The following AHCYL2 variants were observed in gnomAD, a reference collection of about 807,000 sequenced individuals.
The protein encoded by AHCYL2 is adenosylhomocysteinase like 2.
A neutral mutation model predicts 81.4 loss-of-function variants in AHCYL2; 28 were observed. That is an observed-to-expected ratio of 0.34 (90% CI 0.25 to 0.47). The LOEUF is 0.47. Ranked by LOEUF, AHCYL2 falls within the 20% of genes least tolerant of loss-of-function variation. AHCYL2 has a pLI of 1.00. For synonymous variants in AHCYL2, 272 were observed against 290.2 expected, an observed-to-expected ratio of 0.94 and a Z score of 0.64; for missense variants, 551 against 785.1, an observed-to-expected ratio of 0.70 and a Z score of 3.56.
At chr7:129,254,505 A>G (rs1245605951) in intron 1 of AHCYL2, among the ~76,000 whole-genome samples, 1 of 152,214 alleles carries the variant, frequency 6.6e-6, no homozygotes, top group Non-Finnish European at 1.5e-5. Flanking sequence ...CTCTGATTAT[A>G]TTATAAAGAC....
intron 1 of AHCYL2, among the ~76,000 whole-genome samples, chr7:129,300,960 G>A (rs1275028481): frequency 6.6e-6 from 1 of 152,162 alleles, no homozygotes; most frequent in Non-Finnish European, 1.5e-5. Context: ...GGCCTGCCAA[G>A]TAGTTGGGAT....
chr7:129,389,014 G>A (rs752407857), intron 2 of AHCYL2, 42 bp from the exon 3 acceptor site: 7 of 1,578,370 alleles, frequency 4.4e-6, no homozygotes, highest in Non-Finnish European at 6.0e-6. Flanking sequence ...TTTAGAGGAA[G>A]CATTTTTTTT....
chr7:129,343,828 C>T (rs183569219), intron 1 of AHCYL2, among the ~76,000 whole-genome samples: 296 of 152,072 alleles, frequency 1.9e-3, no homozygotes, highest in Non-Finnish European at 3.3e-3. Flanking sequence ...AACTTCTATT[C>T]AAAAGACACA....
chr7:129,276,838 A>G (rs1796227572), intron 1 of AHCYL2, among the ~76,000 whole-genome samples: 1 of 152,102 alleles, frequency 6.6e-6, no homozygotes, highest in South Asian at 2.1e-4. Flanking sequence ...AAAGCCCTGC[A>G]AAGATTAATC....
chr7:129,322,878 G>A (rs1472288745), intron 1 of AHCYL2, among the ~76,000 whole-genome samples: 1 of 152,132 alleles, frequency 6.6e-6, no homozygotes, highest in Non-Finnish European at 1.5e-5. Context: ...TTACAGGTGT[G>A]AGCCACCATG....
rs79427913 is a variant in AHCYL2 at position 129,255,468 on chromosome 7, C to T, written c.363+30029C>T. ...GACTAGCCACATTTCAAGAGTTCAA[C>T]AGTCATATGTGGTTAGTAACTATCT... On this transcript the variant is annotated intron_variant, in intron 1 of 16. Coordinates refer to ENST00000325006, the MANE Select transcript of AHCYL2 (RefSeq NM_015328.4). 4.3e-3 allele frequency among the ~76,000 whole-genome samples: 659 copies of T among 152,288 alleles called. 9 individuals are homozygous for T. The East Asian group carries it at 0.055, about 13-fold the overall frequency.
At chr7:129,408,450 T>C (rs1234811762) in intron 10 of AHCYL2, among the ~76,000 whole-genome samples, 1 of 152,222 alleles carries the variant, frequency 6.6e-6, no homozygotes, top group African/African-American at 2.4e-5. Context: ...CTTGTTTATA[T>C]GGCTCATTCA....
At chr7:129,323,910 G>A (rs1203381593) in intron 1 of AHCYL2, among the ~76,000 whole-genome samples, 4 of 123,806 alleles carry the variant, frequency 3.2e-5, no homozygotes, top group Non-Finnish European at 6.4e-5. Flanking sequence ...TCACTCTTTC[G>A]CCCAGGTTGG....
intron 1 of AHCYL2, among the ~76,000 whole-genome samples, chr7:129,229,769 T>C (rs1313615788): frequency 6.6e-6 from 1 of 152,128 alleles, no homozygotes; most frequent in East Asian, 1.9e-4. Flanking sequence ...GAATTGTAAA[T>C]TTAGAAGAGG....
At chr7:129,422,808 G>A (rs1364101471) in intron 12 of AHCYL2, 32 bp from the exon 13 acceptor site, 1 of 1,599,510 alleles carries the variant, frequency 6.3e-7, no homozygotes, top group Admixed American at 1.7e-5. Flanking sequence ...GGCTTGCTAT[G>A]GCTAATGCTG....
intron 1 of AHCYL2, among the ~76,000 whole-genome samples, chr7:129,282,866 GA>G (rs776948745): frequency 1.9e-4 from 29 of 151,136 alleles, no homozygotes; most frequent in Non-Finnish European, 2.5e-4. Flanking sequence ...AAGAGGGGGA[GA>G]AAAAAAAATA....
At chr7:129,408,522 T>C (rs1396175994) in intron 10 of AHCYL2, among the ~76,000 whole-genome samples, 2 of 152,024 alleles carry the variant, frequency 1.3e-5, no homozygotes, top group Non-Finnish European at 2.9e-5. Flanking sequence ...ATAGATGAGA[T>C]TATGGGTGCA....
intron 1 of AHCYL2, among the ~76,000 whole-genome samples, chr7:129,282,652 A>G (rs995370237): frequency 6.6e-6 from 1 of 152,068 alleles, no homozygotes; most frequent in Non-Finnish European, 1.5e-5. Flanking sequence ...ATATATGTCA[A>G]TTTTGTTAGC....
chr7:129,252,238 G>A (rs571646302), intron 1 of AHCYL2, among the ~76,000 whole-genome samples: 1 of 152,152 alleles, frequency 6.6e-6, no homozygotes, highest in Admixed American at 6.5e-5. Flanking sequence ...TAGAGTCTCT[G>A]TCAGATGGCA....
At chr7:129,383,357 TA>T (rs1199180047) in intron 2 of AHCYL2, among the ~76,000 whole-genome samples, 3 of 151,886 alleles carry the variant, frequency 2.0e-5, no homozygotes, top group South Asian at 4.2e-4. Context: ...TTTGTAGAGA[TA>T]GGGGTCTCAC....
At chr7:129,280,512 T>G (rs1796397029) in intron 1 of AHCYL2, among the ~76,000 whole-genome samples, 1 of 152,184 alleles carries the variant, frequency 6.6e-6, no homozygotes, top group Non-Finnish European at 1.5e-5. Flanking sequence ...AGCTTTTTTG[T>G]AGATTCCATC....
chr7:129,242,717 G>GAA (rs76368354), intron 1 of AHCYL2, among the ~76,000 whole-genome samples: 23 of 108,886 alleles, frequency 2.1e-4, no homozygotes, highest in Admixed American at 1.9e-4. Flanking sequence ...CTCTGTCTCA[G>GAA]AAAAAAAAAA....
chr7:129,228,720 G>T (rs1794313168), intron 1 of AHCYL2, among the ~76,000 whole-genome samples: 1 of 152,204 alleles, frequency 6.6e-6, no homozygotes, highest in Non-Finnish European at 1.5e-5. Flanking sequence ...TGACAATAAG[G>T]CTGCAAGCCC....
At chr7:129,329,980 G>T (rs1798360213) in intron 1 of AHCYL2, among the ~76,000 whole-genome samples, 1 of 152,144 alleles carries the variant, frequency 6.6e-6, no homozygotes, top group South Asian at 2.1e-4. Flanking sequence ...CTTGGGAATA[G>T]AAAACCTTTT....
Sources: allele counts gnomAD v4.1 joint callset (sites outside exome capture counted in the v4.1 genomes callset), GRCh38; gene constraint gnomAD v4.1.1; transcripts MANE v1.5; gene names NCBI Gene and HGNC (gene_info 2026-07-23, HGNC 2026-07-21).